The following LRP4 variants were observed in gnomAD, a reference collection of about 807,000 sequenced individuals.
LRP4 encodes the protein low-density lipoprotein receptor-related protein 4.
A neutral mutation model predicts 220.3 loss-of-function variants in LRP4; 95 were observed. The observed-to-expected ratio is 0.43, with a 90% CI of 0.37 to 0.51. The LOEUF is 0.51. Among genes scored for constraint, LRP4 ranks in the 20% least tolerant of loss-of-function variants. The pLI is 0.00. For synonymous variants in LRP4, 903 were observed against 954.6 expected, an observed-to-expected ratio of 0.95 and a Z score of 1.00; for missense variants, 1,925 against 2,567.0, an observed-to-expected ratio of 0.75 and a Z score of 5.40.
intron 13 of LRP4, among the ~76,000 whole-genome samples, chr11:46,892,689 A>G (rs1254419579): frequency 6.6e-6 from 1 of 151,540 alleles, no homozygotes; most frequent in African/African-American, 2.4e-5. Context: ...CTCCTGCCTC[A>G]ACCTCCCGAG....
chr11:46,899,036 G>A lies in LRP4; in HGVS notation c.548-4C>T. The A allele has an allele frequency of 6.2e-7, 1 of 1,610,954 alleles. No homozygotes were observed. Among genetic ancestry groups the A allele is most frequent in the Non-Finnish European group, 8.5e-7 (1 of 1,178,106 alleles). ...GGGGGCGCTGGCACTGCTGAGGCTG[G>A]AGGGAAGGCAGGGGTGGGGAGGGGC... On this transcript the variant is annotated splice_polypyrimidine_tract_variant and splice_region_variant and intron_variant, in intron 5 of 37. Coordinates refer to ENST00000378623, the MANE Select transcript of LRP4 (RefSeq NM_002334.4). The surrounding 1 kb of genome is among the most constrained non-coding windows in gnomAD (Gnocchi z 5.9).
At chr11:46,874,055 C>T (rs1940943078) in intron 28 of LRP4, 1 of 177,234 alleles carries the variant, frequency 5.6e-6, no homozygotes, top group Admixed American at 5.3e-5. Flanking sequence ...ATCTTCCCGC[C>T]TTGGCCTCCC....
rs182083920 is a variant in LRP4, at chr11:46,918,108, G to T, written c.52+220C>A. ...CGCCCCGGCCCAGACCCGCGCCCCG[G>T]CCCAGACCCGAACCCGCGGAAGCGC... On this transcript the variant is annotated intron_variant, in intron 1 of 37. Coordinates refer to ENST00000378623, the MANE Select transcript of LRP4 (RefSeq NM_002334.4). This position sits in a 1 kb window ranked among gnomAD's most constrained non-coding sequence, Gnocchi z 6.0. Among the ~76,000 whole-genome samples, 46 of 151,380 alleles carry T rather than the reference G, an allele frequency of 3.0e-4. No homozygotes were observed. The highest frequency in any genetic ancestry group is 5.0e-4 in the Non-Finnish European group (34 of 67,744).
At chr11:46,860,732 G>A (rs1209379551) in intron 37 of LRP4, among the ~76,000 whole-genome samples, 1 of 152,196 alleles carries the variant, frequency 6.6e-6, no homozygotes, top group African/African-American at 2.4e-5. Context: ...CAGCCATGCA[G>A]AGTGGGACAT....
rs1230427472 is a variant in LRP4 at position 46,890,524 on chromosome 11, G to A, written c.1698-30C>T. ...GAAGAGAAAAGTAAATTGGGAAGTG[G>A]GCAGCAGAAAACAGGTAGGTAACCA... is the stretch of plus-strand genomic sequence containing the variant. On this transcript the variant is annotated intron_variant, in intron 13 of 37. Transcript: ENST00000378623. The surrounding 1 kb of genome is among the most constrained non-coding windows in gnomAD (Gnocchi z 5.3). 1 of 1,530,568 alleles carries A rather than the reference G, an allele frequency of 6.5e-7. No homozygotes were observed. The highest frequency in any genetic ancestry group is 2.3e-5 in the East Asian group (1 of 44,410). The allele number at this position is 1,530,568 out of a possible 1,614,324, so 94.8% of individuals were successfully genotyped here.
At chr11:46,895,384 A>C in intron 10 of LRP4, 93 bp from the exon 11 acceptor site, 8 of 1,540,638 alleles carry the variant, frequency 5.2e-6, no homozygotes, top group Non-Finnish European at 7.1e-6. Flanking sequence ...CCACATCCCC[A>C]TCTACTTTCC....
rs968282297 is a variant in LRP4 at position 46,899,806 on chromosome 11, C to T, written c.430+57G>A. ...TAGGGCCATTGCTGCTATCTTCTCC[C>T]ATGGCCAGGCCACCCACTGGCCACC... On this transcript the variant is annotated intron_variant, in intron 4 of 37. Coordinates refer to ENST00000378623, the MANE Select transcript of LRP4 (RefSeq NM_002334.4). The surrounding 1 kb of genome is among the most constrained non-coding windows in gnomAD (Gnocchi z 5.9). 2.5e-5 allele frequency: 34 copies of T among 1,387,190 alleles called. No homozygotes were observed. In the East Asian group the frequency reaches 7.1e-4, roughly 29 times the overall value. 85.9% of individuals were successfully genotyped at this position (1,387,190 alleles called of 1,614,324 possible).
At chr11:46,878,111 C>T (rs946573143) in intron 22 of LRP4, among the ~76,000 whole-genome samples, 1 of 152,038 alleles carries the variant, frequency 6.6e-6, no homozygotes, top group African/African-American at 2.4e-5. Context: ...CCTTGACTTC[C>T]GACATCTGGG....
rs753111847 is a variant in LRP4, at chr11:46,894,626, G to A, written c.1503C>T (p.Asn501=). The change falls in exon 12 of 38, where the codon AAC becomes AAT. Residue 501 remains asparagine (N), a synonymous_variant. Transcript: ENST00000378623. ...GCCCAGTAGACACAACCTCCTCCAC[G>A]TTGCTGCCGTTGAGGTTGGCACGGA... is the stretch of plus-strand genomic sequence containing the variant. ...RILRANLNGS[N]VEEVVSTGLE... The A allele has an allele frequency of 1.2e-6, 2 of 1,613,116 alleles. No homozygotes were observed. Among genetic ancestry groups the A allele is most frequent in the South Asian group, 1.1e-5 (1 of 90,898 alleles).
Position 46,875,625 on chromosome 11 carries a change from C to T in LRP4, c.3756G>A (p.Val1252=), listed in dbSNP as rs75923112. The change falls in exon 27 of 38, where the codon GTG becomes GTA. Residue 1252 remains valine, a synonymous_variant. Transcript: ENST00000378623. The surrounding 1 kb of genome is among the most constrained non-coding windows in gnomAD (Gnocchi z 4.5). ...GANRHTLVSP[V]QHPYGLTLLD... ...GCAGGGTGAGGCCATATGGGTGCTG[C>T]ACCGGTGACACCAATGTATGCCGAT... The T allele has an allele frequency of 1.0e-4, 164 of 1,614,056 alleles. No homozygotes were observed. The highest frequency in any genetic ancestry group is 3.3e-4 in the East Asian group (15 of 44,888).
At chr11:46,865,311 GA>G (rs1421115694) in intron 34 of LRP4, 125 bp from the exon 35 acceptor site, 1 of 728,488 alleles carries the variant, frequency 1.4e-6, no homozygotes, top group Non-Finnish European at 2.5e-6. Context: ...CAAGATGGAA[GA>G]CATCAGAAGC....
chr11:46,913,237 G>A (rs1384183587), intron 1 of LRP4, among the ~76,000 whole-genome samples: 1 of 152,172 alleles, frequency 6.6e-6, no homozygotes, highest in Non-Finnish European at 1.5e-5. Context: ...GGCGCCCAAG[G>A]GCACCTAGGA....
chr11:46,872,037 A>C (rs1940878773), intron 30 of LRP4, among the ~76,000 whole-genome samples: 2 of 151,784 alleles, frequency 1.3e-5, no homozygotes, highest in Non-Finnish European at 2.9e-5. Flanking sequence ...GCGGGGGATC[A>C]CTTGAGGTCA....
intron 1 of LRP4, among the ~76,000 whole-genome samples, chr11:46,908,805 G>T (rs1941804844): frequency 6.6e-6 from 1 of 152,228 alleles, no homozygotes; most frequent in South Asian, 2.1e-4. Flanking sequence ...GTTGGTCCAG[G>T]GAACAGGGCT....
chr11:46,907,229 C>T (rs1179169008), intron 1 of LRP4, among the ~76,000 whole-genome samples: 1 of 152,248 alleles, frequency 6.6e-6, no homozygotes, highest in Non-Finnish European at 1.5e-5. Context: ...CCCTTAGCCT[C>T]CAGGGGCCTG....
At chr11:46,883,237 A>C (rs996555014) in intron 19 of LRP4, among the ~76,000 whole-genome samples, 2 of 152,220 alleles carry the variant, frequency 1.3e-5, no homozygotes, top group African/African-American at 4.8e-5. Flanking sequence ...AAGCCCCCCA[A>C]AATTTGGCCA....
At chr11:46,886,587 G>T in intron 16 of LRP4, 54 bp from the exon 17 acceptor site, 1 of 1,422,952 alleles carries the variant, frequency 7.0e-7, no homozygotes, top group South Asian at 1.2e-5. Flanking sequence ...CAAGAACAGT[G>T]ACAGACACAG....
Position 46,899,040 on chromosome 11 carries a change from G to C in LRP4, c.548-8C>G. 2 of 1,610,072 alleles carry C rather than the reference G, an allele frequency of 1.2e-6. No individual in the cohort carries two copies. The highest frequency in any genetic ancestry group is 2.2e-5 in the East Asian group (1 of 44,796). ...GCGCTGGCACTGCTGAGGCTGGAGG[G>C]AAGGCAGGGGTGGGGAGGGGCACAC... On this transcript the variant is annotated splice_polypyrimidine_tract_variant and splice_region_variant and intron_variant, in intron 5 of 37. Transcript: ENST00000378623. The surrounding 1 kb of genome is among the most constrained non-coding windows in gnomAD (Gnocchi z 5.9).
chr11:46,912,959 G>A (rs937346306), intron 1 of LRP4, among the ~76,000 whole-genome samples: 8 of 152,236 alleles, frequency 5.3e-5, no homozygotes, highest in African/African-American at 1.7e-4. Flanking sequence ...GGCTCTGCTT[G>A]CCGCTCTGAT....
Sources: gnomAD v4.1 joint callset for allele counts (sites outside exome capture counted in the v4.1 genomes callset) on GRCh38, gnomAD v4.1.1 for gene constraint, Gnocchi (gnomAD v3.1) non-coding constraint, MANE v1.5 for transcripts, NCBI Gene and HGNC (gene_info 2026-07-23, HGNC 2026-07-21) for gene names.